The following TDRD3 variants were observed in gnomAD, a reference collection of about 807,000 sequenced individuals.
TDRD3 encodes the protein tudor domain-containing protein 3.
A neutral mutation model predicts 86.7 loss-of-function variants in TDRD3; 45 were observed. That is an observed-to-expected ratio of 0.52 (90% CI 0.41 to 0.67). The LOEUF is 0.67. Among genes scored for constraint, TDRD3 ranks in the 30% least tolerant of loss-of-function variants. The probability of loss-of-function intolerance (pLI) is 0.00; values close to 1 mark genes in which losing one functional copy is unlikely to be tolerated. For synonymous variants in TDRD3, 298 were observed against 301.7 expected, an observed-to-expected ratio of 0.99 and a Z score of 0.13; for missense variants, 814 against 889.0, an observed-to-expected ratio of 0.92 and a Z score of 1.07.
chr13:60,399,691 T>A (rs541295771), intron 1 of TDRD3, among the ~76,000 whole-genome samples: 1 of 152,324 alleles, frequency 6.6e-6, no homozygotes, highest in East Asian at 1.9e-4. Context: ...GACAAACCAT[T>A]TTTCTTAGTA....
chr13:60,541,332 A>G (rs2137847005), intron 12 of TDRD3, among the ~76,000 whole-genome samples: 1 of 151,836 alleles, frequency 6.6e-6, no homozygotes, highest in Non-Finnish European at 1.5e-5. Flanking sequence ...TATCCAGGCT[A>G]ATTTTTGTAT....
chr13:60,412,233 G>A (rs137960341), intron 1 of TDRD3, among the ~76,000 whole-genome samples: 6 of 152,242 alleles, frequency 3.9e-5, no homozygotes, highest in Non-Finnish European at 7.4e-5. Context: ...CTTGAAGTAG[G>A]TCATATTTGA....
chr13:60,511,336 T>C (rs1281130224), intron 10 of TDRD3, among the ~76,000 whole-genome samples: 1 of 152,166 alleles, frequency 6.6e-6, no homozygotes, highest in Non-Finnish European at 1.5e-5. Flanking sequence ...AGTTTCTCAT[T>C]CAGATATATT....
intron 3 of TDRD3, among the ~76,000 whole-genome samples, chr13:60,460,006 T>C (rs775571609): frequency 1.3e-5 from 2 of 152,174 alleles, no homozygotes; most frequent in Non-Finnish European, 2.9e-5. Flanking sequence ...TGTCCCTTAA[T>C]GTAAAAGGAG....
chr13:60,557,971 C>T (rs369916303), intron 12 of TDRD3, among the ~76,000 whole-genome samples: 46 of 151,788 alleles, frequency 3.0e-4, no homozygotes, highest in South Asian at 2.1e-4. Flanking sequence ...TATAGGCACA[C>T]GCCACCACGC....
chr13:60,431,827 CTT>C (rs1954961375), intron 1 of TDRD3, among the ~76,000 whole-genome samples: 1 of 150,388 alleles, frequency 6.6e-6, no homozygotes, highest in African/African-American at 2.4e-5. Flanking sequence ...TAAAATAAAT[CTT>C]ATATTGAAAG....
chr13:60,477,191 T>G (rs1333110069), intron 5 of TDRD3, among the ~76,000 whole-genome samples: 1 of 141,288 alleles, frequency 7.1e-6, no homozygotes, highest in African/African-American at 2.6e-5. Context: ...ACGTTTGTTA[T>G]AGATGGTTAT....
chr13:60,410,320 G>A (rs1954331947), intron 1 of TDRD3, among the ~76,000 whole-genome samples: 1 of 152,128 alleles, frequency 6.6e-6, no homozygotes, highest in Admixed American at 6.5e-5. Context: ...AGGAATCTAG[G>A]TATCTTGCAG....
rs1956422585 is a variant in TDRD3, at chr13:60,485,857, A to G, written c.626A>G (p.Gln209Arg). 1.9e-6 allele frequency: 3 copies of G among 1,610,696 alleles called. No homozygotes were observed. The African/African-American group carries it at 4.0e-5, about 22-fold the overall frequency. ...GAACTTGATCGAAGAAAAACATTGC[A>G]AGTTACAATGCCTGTCAAACCTACA... ...SRELDRRKTLQVTMPVKPTND... is the reference protein window; with the variant it reads ...SRELDRRKTLRVTMPVKPTND... The change falls in exon 7 of 14, where the codon CAA becomes CGA. Residue 209 changes from glutamine (Q) to arginine (R), a missense_variant. Coordinates refer to ENST00000377881, the MANE Select transcript of TDRD3 (RefSeq NM_001146070.2).
chr13:60,559,710 A>C (rs1958287996), intron 12 of TDRD3, among the ~76,000 whole-genome samples: 1 of 152,188 alleles, frequency 6.6e-6, no homozygotes, highest in African/African-American at 2.4e-5. Context: ...GAAACAGAGT[A>C]GTATGGTGGT....
chr13:60,406,416 A>C lies in TDRD3; in HGVS notation c.41+9011A>C, dbSNP rs150694547. ...GTAATTTTTATATTGATCATACTTT[A>C]AAATATATTTTGTTAAAATAATTAT... On this transcript the variant is annotated intron_variant, in intron 1 of 13. Transcript: ENST00000377881. Among the ~76,000 whole-genome samples the C allele has an allele frequency of 8.1e-3, 1,239 of 152,328 alleles. 20 individuals carry two copies. Among genetic ancestry groups the C allele is most frequent in the African/African-American group, 0.029 (1,201 of 41,562 alleles).
rs116110786 is a variant in TDRD3, at chr13:60,551,953, A to G, written c.2119-15572A>G. Among the ~76,000 whole-genome samples the G allele has an allele frequency of 6.9e-3, 1,056 of 152,296 alleles. 8 individuals are homozygous for G. The highest frequency in any genetic ancestry group is 0.024 in the African/African-American group (978 of 41,552). ...CCCCATGATTCAGTCATGTCCCGCCAGGTCTCTCCCTCGACATGTGGGGAT... is the reference window on the plus strand; with the variant it reads ...CCCCATGATTCAGTCATGTCCCGCCGGGTCTCTCCCTCGACATGTGGGGAT... On this transcript the variant is annotated intron_variant, in intron 12 of 13. Coordinates refer to ENST00000377881, the MANE Select transcript of TDRD3 (RefSeq NM_001146070.2).
intron 8 of TDRD3, among the ~76,000 whole-genome samples, chr13:60,508,651 A>C (rs747586273): frequency 8.5e-5 from 13 of 152,212 alleles, no homozygotes; most frequent in Non-Finnish European, 1.9e-4. Flanking sequence ...TGTAAGACCT[A>C]AAACCATAAA....
chr13:60,484,674 A>AT (rs760634733), intron 6 of TDRD3: 44,341 of 329,064 alleles, frequency 0.13, 9 homozygotes, highest in South Asian at 0.21. Flanking sequence ...AATAATGTTG[A>AT]TTTTTTTTTT....
intron 8 of TDRD3, among the ~76,000 whole-genome samples, chr13:60,495,665 A>G (rs1421167913): frequency 6.6e-6 from 1 of 152,090 alleles, no homozygotes; most frequent in African/African-American, 2.4e-5. Context: ...GGGTTTCACT[A>G]TATTAGTGAA....
intron 13 of TDRD3, among the ~76,000 whole-genome samples, chr13:60,571,431 A>C (rs906921593): frequency 6.6e-6 from 1 of 152,226 alleles, no homozygotes; most frequent in Non-Finnish European, 1.5e-5. Flanking sequence ...TTTGACTTCC[A>C]GCAAATATAA....
chr13:60,432,414 G>A (rs1954976197), intron 1 of TDRD3, among the ~76,000 whole-genome samples: 1 of 152,044 alleles, frequency 6.6e-6, no homozygotes, highest in South Asian at 2.1e-4. Flanking sequence ...GCAAAATACT[G>A]TATTTTCCCA....
chr13:60,463,968 C>T (rs1302490174), intron 4 of TDRD3, among the ~76,000 whole-genome samples: 1 of 152,176 alleles, frequency 6.6e-6, no homozygotes, highest in Non-Finnish European at 1.5e-5. Context: ...GGCTTGGTGC[C>T]ATCCTTGCAG....
At chr13:60,426,049 G>A (rs1421352282) in intron 1 of TDRD3, among the ~76,000 whole-genome samples, 2 of 152,058 alleles carry the variant, frequency 1.3e-5, no homozygotes, top group South Asian at 2.1e-4. Flanking sequence ...GCTAACACCC[G>A]AGTTCAAGGG....
Sources: allele counts gnomAD v4.1 joint callset (sites outside exome capture counted in the v4.1 genomes callset), GRCh38; gene constraint gnomAD v4.1.1; transcripts MANE v1.5; gene names NCBI Gene and HGNC (gene_info 2026-07-23, HGNC 2026-07-21).